TTBK1: variants seen among roughly 807,000 people sequenced by gnomAD.
TTBK1 encodes the protein tau-tubulin kinase 1.
In TTBK1, 34 loss-of-function variants were observed where a neutral mutation model predicts 108.5. The observed-to-expected ratio is 0.31, with a 90% CI of 0.24 to 0.42. TTBK1 has a LOEUF of 0.42. TTBK1 is among the 10% of genes least tolerant of loss of function. The pLI, the probability that TTBK1 is intolerant of heterozygous loss-of-function variation, is 1.00. For synonymous variants in TTBK1, 809 were observed against 795.1 expected, an observed-to-expected ratio of 1.02 and a Z score of -0.29; for missense variants, 1,539 against 1,826.0, an observed-to-expected ratio of 0.84 and a Z score of 2.86.
rs532509746 is a variant in TTBK1, at chr6:43,256,197, G to A, written c.861+341G>A. On this transcript the variant is annotated intron_variant, in intron 9 of 14. Transcript: ENST00000259750. ...GTCACCCAGGCTGGAGTGCAGTGGCGTGATCTCTGTTCACTGCAACCTCTG... is the reference window on the plus strand; with the variant it reads ...GTCACCCAGGCTGGAGTGCAGTGGCATGATCTCTGTTCACTGCAACCTCTG... Among the ~76,000 whole-genome samples the A allele has an allele frequency of 8.0e-5, 12 of 150,920 alleles. No homozygotes were observed. The South Asian group carries it at 1.3e-3, about 16-fold the overall frequency.
In TTBK1 at chr6:43,269,610, C is replaced by G; in HGVS notation, c.1986+6260C>G. Reference sequence around the variant, plus strand: ...GAGCTGTCGAGTCTGTGCCTGACACCTCTTTTCCCTCCACTTTCTTGGTCT... The same window carrying G: ...GAGCTGTCGAGTCTGTGCCTGACACGTCTTTTCCCTCCACTTTCTTGGTCT... On this transcript the variant is annotated intron_variant, in intron 13 of 14. Transcript: ENST00000259750. This position sits in a 1 kb window ranked among gnomAD's most constrained non-coding sequence, Gnocchi z 4.8. 1.3e-6 allele frequency: 2 copies of G among 1,593,536 alleles called. No homozygotes were observed. Among genetic ancestry groups the G allele is most frequent in the Non-Finnish European group, 1.7e-6 (2 of 1,168,014 alleles).
intron 5 of TTBK1, 120 bp from the exon 6 acceptor site, chr6:43,254,427 C>T (rs187383638): frequency 2.6e-5 from 17 of 642,886 alleles, no homozygotes; most frequent in East Asian, 9.3e-5. Flanking sequence ...CGTTTCCTTG[C>T]GGGCGAGTGA....
chr6:43,271,423 T>C, intron 13 of TTBK1: 1 of 985,466 alleles, frequency 1.0e-6, no homozygotes, highest in Non-Finnish European at 1.2e-6. Flanking sequence ...CACAGTGCTG[T>C]ATGAGTGTGT....
intron 2 of TTBK1, among the ~76,000 whole-genome samples, chr6:43,248,579 C>T (rs534332695): frequency 2.5e-4 from 38 of 152,088 alleles, no homozygotes; most frequent in Non-Finnish European, 4.7e-4. Flanking sequence ...AAAAATTAGC[C>T]GGGTGTGGCA....
At chr6:43,271,163 C>T in intron 13 of TTBK1, 1 of 985,446 alleles carries the variant, frequency 1.0e-6, no homozygotes, top group Middle Eastern at 5.2e-4. Context: ...GAAGTGGGTA[C>T]TAGAAAGGGC....
intron 12 of TTBK1, among the ~76,000 whole-genome samples, chr6:43,261,408 TG>T (rs896189668): frequency 3.9e-5 from 6 of 152,056 alleles, no homozygotes; most frequent in African/African-American, 1.4e-4. Flanking sequence ...TTCTTTCTTG[TG>T]TAGCACCTCC....
At position 43,269,962 on chromosome 6, in the gene TTBK1, C is replaced by T; in HGVS notation, c.1986+6612C>T. ...ACCCACAAGACCTAGGCTGGGCCCC[C>T]CCCCTCCTGGAGGGGGCAGGTGGGG... On this transcript the variant is annotated intron_variant, in intron 13 of 14. Transcript: ENST00000259750. This position sits in a 1 kb window ranked among gnomAD's most constrained non-coding sequence, Gnocchi z 4.8. 1 of 1,435,412 alleles carries T rather than the reference C, an allele frequency of 7.0e-7. No individual in the cohort carries two copies. The highest frequency in any genetic ancestry group is 9.1e-7 in the Non-Finnish European group (1 of 1,098,584). 88.9% of individuals were successfully genotyped at this position (1,435,412 alleles called of 1,614,324 possible).
At position 43,276,208 on chromosome 6, in the gene TTBK1, G is replaced by T. The variant is rs1391764240; in HGVS notation, c.1987-6519G>T. On this transcript the variant is annotated intron_variant, in intron 13 of 14. Coordinates refer to ENST00000259750, the MANE Select transcript of TTBK1 (RefSeq NM_032538.3). This position sits in a 1 kb window ranked among gnomAD's most constrained non-coding sequence, Gnocchi z 5.4. ...GTACTGCAATAATACTGTATTATAC[G>T]CTTGCACTATTTCCCGACCCTGGCC... Among the ~76,000 whole-genome samples, 2 of 152,066 alleles carry T rather than the reference G, an allele frequency of 1.3e-5. No homozygotes were observed. The highest frequency in any genetic ancestry group is 2.9e-5 in the Non-Finnish European group (2 of 68,018).
rs1777664601 is a variant in TTBK1 at position 43,265,868 on chromosome 6, G to A, written c.1986+2518G>A. Among the ~76,000 whole-genome samples the A allele has an allele frequency of 6.6e-6, 1 of 152,178 alleles. No individual in the cohort carries two copies. The highest frequency in any genetic ancestry group is 1.5e-5 in the Non-Finnish European group (1 of 68,042). Reference sequence around the variant, plus strand: ...TGTCCCTTTCTGGGTCTCCAGGTGAGGGAGCTGAGGTTCTTCCGAGGTTCA... The same window carrying A: ...TGTCCCTTTCTGGGTCTCCAGGTGAAGGAGCTGAGGTTCTTCCGAGGTTCA... On this transcript the variant is annotated intron_variant, in intron 13 of 14. Transcript: ENST00000259750. The surrounding 1 kb of genome is among the most constrained non-coding windows in gnomAD (Gnocchi z 4.1).
In TTBK1 at chr6:43,253,833, C is replaced by G; in HGVS notation, c.471+125C>G. The G allele has an allele frequency of 2.4e-6, 3 of 1,264,776 alleles. No homozygotes were observed. The highest frequency in any genetic ancestry group is 3.2e-6 in the Non-Finnish European group (3 of 936,604). The allele number at this position is 1,264,776 out of a possible 1,614,324, so 78.3% of individuals were successfully genotyped here. A position where few individuals can be genotyped will look rare whatever the true frequency, so the allele number is the denominator to read the frequency against. On this transcript the variant is annotated intron_variant, in intron 5 of 14. Coordinates refer to ENST00000259750, the MANE Select transcript of TTBK1 (RefSeq NM_032538.3). The surrounding 1 kb of genome is among the most constrained non-coding windows in gnomAD (Gnocchi z 5.8). ...GACTTGTGATGGGACAGCCTCTTCT[C>G]CCCAAGCCCCTCCTGCTCTCCTTCC...
At chr6:43,275,213 C>T (rs1053066469) in intron 13 of TTBK1, among the ~76,000 whole-genome samples, 15 of 152,122 alleles carry the variant, frequency 9.9e-5, no homozygotes, top group African/African-American at 3.6e-4. Context: ...CCCGTCCATC[C>T]GCCCGCCCCC....
At chr6:43,261,041 G>A (rs1777527608) in intron 12 of TTBK1, among the ~76,000 whole-genome samples, 1 of 152,146 alleles carries the variant, frequency 6.6e-6, no homozygotes, top group Admixed American at 6.5e-5. Context: ...CCTCAGAAAG[G>A]AAATGATATC....
chr6:43,281,443 A>G (rs1562098858), intron 13 of TTBK1, among the ~76,000 whole-genome samples: 1 of 151,912 alleles, frequency 6.6e-6, no homozygotes, highest in South Asian at 2.1e-4. Flanking sequence ...GATTTGAAGC[A>G]GAGAGAGATG....
Position 43,276,203 on chromosome 6 carries a change from T to G in TTBK1, c.1987-6524T>G, listed in dbSNP as rs1372118214. Among the ~76,000 whole-genome samples the G allele has an allele frequency of 3.3e-5, 5 of 152,136 alleles. No homozygotes were observed. The highest frequency in any genetic ancestry group is 7.4e-5 in the Non-Finnish European group (5 of 68,022). ...ATTTTGTACTGCAATAATACTGTAT[T>G]ATACGCTTGCACTATTTCCCGACCC... On this transcript the variant is annotated intron_variant, in intron 13 of 14. Coordinates refer to ENST00000259750, the MANE Select transcript of TTBK1 (RefSeq NM_032538.3). The surrounding 1 kb of genome is among the most constrained non-coding windows in gnomAD (Gnocchi z 5.4).
In TTBK1 at chr6:43,276,355, A is replaced by C. The variant is rs776301933; in HGVS notation, c.1987-6372A>C. Among the ~76,000 whole-genome samples, 1 of 152,094 alleles carries C rather than the reference A, an allele frequency of 6.6e-6. No homozygotes were observed. Among genetic ancestry groups the C allele is most frequent in the African/African-American group, 2.4e-5 (1 of 41,408 alleles). On this transcript the variant is annotated intron_variant, in intron 13 of 14. Transcript: ENST00000259750. This position sits in a 1 kb window ranked among gnomAD's most constrained non-coding sequence, Gnocchi z 5.4. Reference sequence around the variant, plus strand: ...CCGGGGTGCGTCCTCCTTAGTGTACATAGCGGCGTCGGGGGGTGGCCCCAG... The same window carrying C: ...CCGGGGTGCGTCCTCCTTAGTGTACCTAGCGGCGTCGGGGGGTGGCCCCAG...
At chr6:43,251,645 C>T (rs1777242474) in intron 2 of TTBK1, among the ~76,000 whole-genome samples, 1 of 152,192 alleles carries the variant, frequency 6.6e-6, no homozygotes. Flanking sequence ...GCTCTTCCTT[C>T]ACTTTATTGC....
chr6:43,256,603 G>T (rs1217264345), intron 9 of TTBK1, among the ~76,000 whole-genome samples: 1 of 152,154 alleles, frequency 6.6e-6, no homozygotes, highest in Admixed American at 6.5e-5. Flanking sequence ...GCCGGGTGTG[G>T]TGGTGGGTAC....
At chr6:43,251,701 G>A (rs907169599) in intron 2 of TTBK1, among the ~76,000 whole-genome samples, 10 of 152,178 alleles carry the variant, frequency 6.6e-5, no homozygotes, top group African/African-American at 2.4e-4. Context: ...GAGGCTGGAG[G>A]GGGGAGACGA....
intron 9 of TTBK1, among the ~76,000 whole-genome samples, chr6:43,256,246 C>T (rs552235277): frequency 2.6e-5 from 4 of 151,914 alleles, no homozygotes; most frequent in Non-Finnish European, 5.9e-5. Context: ...AGCAATTCTT[C>T]TGCCTCAGCC....
Sources: allele counts gnomAD v4.1 joint callset (sites outside exome capture counted in the v4.1 genomes callset), GRCh38; gene constraint gnomAD v4.1.1; non-coding constraint Gnocchi (gnomAD v3.1); transcripts MANE v1.5; gene names NCBI Gene and HGNC (gene_info 2026-07-23, HGNC 2026-07-21).